Variants in ASIC2 observed in about 807,000 individuals in gnomAD.
ASIC2 encodes the protein acid-sensing ion channel 2.
ASIC2 carries 25 observed loss-of-function variants against 57.3 expected under a neutral mutation model. That is an observed-to-expected ratio of 0.44 (90% CI 0.32 to 0.61). ASIC2 has a LOEUF of 0.61. Among genes scored for constraint, ASIC2 ranks in the 20% least tolerant of loss-of-function variants. The probability of loss-of-function intolerance (pLI) is 0.06; values close to 1 mark genes in which losing one functional copy is unlikely to be tolerated. For missense variants in ASIC2, 641 were observed against 738.1 expected (o/e 0.87, Z 1.52); for synonymous variants, 319 against 307.5 (o/e 1.04, Z -0.39).
chr17:34,155,585 G>A (rs1321563990), intron 1 of ASIC2: 5 of 195,820 alleles, frequency 2.6e-5, no homozygotes, highest in East Asian at 1.6e-4. Context: ...ACACGCACAC[G>A]CACACGCACA....
intron 1 of ASIC2, among the ~76,000 whole-genome samples, chr17:34,099,642 GAAAA>G (rs1910750571): frequency 8.4e-6 from 1 of 118,748 alleles, no homozygotes; most frequent in Non-Finnish European, 1.8e-5. Context: ...AAGAAAGAAA[GAAAA>G]GAGAGGAAGG....
chr17:33,331,946 T>C (rs1176329721), intron 1 of ASIC2, among the ~76,000 whole-genome samples: 4 of 152,212 alleles, frequency 2.6e-5, no homozygotes, highest in African/African-American at 7.2e-5. Flanking sequence ...TTTTGAAAAA[T>C]AGGACATCAT....
intron 1 of ASIC2, among the ~76,000 whole-genome samples, chr17:34,109,657 A>G (rs1426623423): frequency 2.6e-5 from 4 of 152,190 alleles, no homozygotes; most frequent in Non-Finnish European, 5.9e-5. Flanking sequence ...GCTATCTGAC[A>G]GCTTTTAAAC....
At chr17:33,476,469 C>T (rs998070787) in intron 1 of ASIC2, among the ~76,000 whole-genome samples, 2 of 150,282 alleles carry the variant, frequency 1.3e-5, no homozygotes, top group African/African-American at 2.4e-5. Context: ...AATCCTTCAA[C>T]TCATATAGAA....
intron 1 of ASIC2, among the ~76,000 whole-genome samples, chr17:33,975,463 T>C (rs1905353058): frequency 6.6e-6 from 1 of 152,080 alleles, no homozygotes; most frequent in African/African-American, 2.4e-5. Flanking sequence ...TGATCTGTTT[T>C]CTAGGAAAGT....
chr17:34,134,803 T>C (rs1300127550), intron 1 of ASIC2, among the ~76,000 whole-genome samples: 1 of 152,236 alleles, frequency 6.6e-6, no homozygotes, highest in African/African-American at 2.4e-5. Flanking sequence ...CAGTCATTTC[T>C]AGGAGAGGGA....
intron 1 of ASIC2, among the ~76,000 whole-genome samples, chr17:33,651,777 T>C (rs1906927283): frequency 6.6e-6 from 1 of 152,214 alleles, no homozygotes. Flanking sequence ...TCTGGACCAG[T>C]TAACTCAATT....
At chr17:33,806,913 C>A (rs1261706025) in intron 1 of ASIC2, among the ~76,000 whole-genome samples, 1 of 152,220 alleles carries the variant, frequency 6.6e-6, no homozygotes, top group Non-Finnish European at 1.5e-5. Flanking sequence ...TGTTTGCATG[C>A]TGTCACCACC....
rs1567718972 is a variant in ASIC2, at chr17:33,799,412, T to TTTC, written c.555+356563_555+356565dup. ...TTTCTTTCTTTCTTTCTTTTCTTTCTTTCTTTCTTTCTTTCTTCTTTCTTT... is the reference window on the plus strand; with the variant it reads ...TTTCTTTCTTTCTTTCTTTTCTTTCTTTCTTCTTTCTTTCTTTCTTCTTTCTTT... On this transcript the variant is annotated intron_variant, in intron 1 of 9. Coordinates refer to the ASIC2 transcript ENST00000359872. Among the ~76,000 whole-genome samples, 74 of 67,400 alleles carry TTTC rather than the reference T, an allele frequency of 1.1e-3. 1 individual carries two copies. The highest frequency in any genetic ancestry group is 2.7e-3 in the African/African-American group (49 of 18,028). The allele number at this position is 67,400 out of a possible 152,430, so 44.2% of individuals were successfully genotyped here.
chr17:33,930,561 G>A (rs1244309571), intron 1 of ASIC2, among the ~76,000 whole-genome samples: 1 of 152,230 alleles, frequency 6.6e-6, no homozygotes, highest in African/African-American at 2.4e-5. Context: ...TATGCCTCAT[G>A]CTGTGAGCAA....
At chr17:33,139,456 C>T (rs1471435018) in intron 1 of ASIC2, among the ~76,000 whole-genome samples, 1 of 152,062 alleles carries the variant, frequency 6.6e-6, no homozygotes, top group East Asian at 1.9e-4. Flanking sequence ...TTTTGCTTAT[C>T]CAATAATTGG....
intron 1 of ASIC2, among the ~76,000 whole-genome samples, chr17:33,174,569 T>A (rs1382737182): frequency 1.3e-5 from 2 of 152,134 alleles, no homozygotes; most frequent in Non-Finnish European, 2.9e-5. Flanking sequence ...CACATGCACA[T>A]CTTAGTGGGG....
intron 1 of ASIC2, among the ~76,000 whole-genome samples, chr17:33,956,341 G>A (rs1904734580): frequency 6.6e-6 from 1 of 152,154 alleles, no homozygotes; most frequent in Non-Finnish European, 1.5e-5. Context: ...TAGGGTTGTG[G>A]CACAAGTCTA....
intron 1 of ASIC2, among the ~76,000 whole-genome samples, chr17:34,028,864 T>C (rs1907476702): frequency 6.6e-6 from 1 of 152,104 alleles, no homozygotes; most frequent in Non-Finnish European, 1.5e-5. Context: ...CTCCTACCAG[T>C]CCCCCCATCT....
intron 1 of ASIC2, among the ~76,000 whole-genome samples, chr17:33,711,737 C>T (rs558461458): frequency 6.6e-5 from 10 of 152,298 alleles, no homozygotes; most frequent in Non-Finnish European, 1.3e-4. Flanking sequence ...TGAGAACTCA[C>T]TCACTGTCAA....
intron 1 of ASIC2, among the ~76,000 whole-genome samples, chr17:33,195,710 C>G (rs1906596782): frequency 6.6e-6 from 1 of 152,150 alleles, no homozygotes; most frequent in South Asian, 2.1e-4. Context: ...GACAGGGAAA[C>G]TGAGGATCAG....
At chr17:33,119,098 C>T (rs889127589) in intron 1 of ASIC2, among the ~76,000 whole-genome samples, 4 of 152,062 alleles carry the variant, frequency 2.6e-5, no homozygotes, top group Non-Finnish European at 5.9e-5. Flanking sequence ...ATGTATAAGC[C>T]CCCTTAAGGA....
intron 1 of ASIC2, among the ~76,000 whole-genome samples, chr17:33,218,353 C>A (rs1171796441): frequency 6.6e-6 from 1 of 152,166 alleles, no homozygotes; most frequent in Non-Finnish European, 1.5e-5. Flanking sequence ...TTGGGAAAGC[C>A]CTCTGACTGT....
intron 1 of ASIC2, among the ~76,000 whole-genome samples, chr17:34,146,288 T>C (rs964456240): frequency 6.6e-6 from 1 of 152,200 alleles, no homozygotes; most frequent in Non-Finnish European, 1.5e-5. Flanking sequence ...AGGTATTTTT[T>C]TCTTTCTAAA....
Sources: allele counts gnomAD v4.1 joint callset (sites outside exome capture counted in the v4.1 genomes callset), GRCh38; gene constraint gnomAD v4.1.1; transcripts MANE v1.5; gene names NCBI Gene and HGNC (gene_info 2026-07-23, HGNC 2026-07-21).